PRR19: variants seen among roughly 807,000 people sequenced by gnomAD.
The protein encoded by PRR19 is proline rich 19, also known as proline-rich protein 19.
A neutral mutation model predicts 19.2 loss-of-function variants in PRR19; 9 were observed. That is an observed-to-expected ratio of 0.47 (90% CI 0.28 to 0.82). PRR19 has a LOEUF of 0.82. PRR19 is among the 40% of genes least tolerant of loss of function. PRR19 has a pLI of 0.11. For synonymous variants in PRR19, 190 were observed against 191.0 expected, an observed-to-expected ratio of 0.99 and a Z score of 0.04; for missense variants, 457 against 466.0, an observed-to-expected ratio of 0.98 and a Z score of 0.18.
chr19:42,304,994 C>T (rs1281741278), intron 1 of PRR19, among the ~76,000 whole-genome samples: 1 of 151,610 alleles, frequency 6.6e-6, no homozygotes. Context: ...GATCACTTGG[C>T]GTCAGGAGTT....
At chr19:42,305,373 G>C (rs1176063273) in intron 1 of PRR19, among the ~76,000 whole-genome samples, 2 of 151,210 alleles carry the variant, frequency 1.3e-5, no homozygotes, top group Non-Finnish European at 2.9e-5. Context: ...CTGCCTCCCA[G>C]GTTCAAGCGA....
Position 42,309,896 on chromosome 19 carries a change from C to A in PRR19, c.312C>A (p.Ala104=), listed in dbSNP as rs1317953388. The change falls in exon 2 of 3, where the codon GCC becomes GCA. Residue 104 remains alanine, a synonymous_variant. Coordinates refer to ENST00000341747, the MANE Select transcript of PRR19 (RefSeq NM_199285.3). ...TGCCAGGCAGCCCCACACTCCCCGC[C>A]AAGCCCTCCCCAAGCCCAGGCAGGG... ...TLVPGSPTLP[A]KPSPSPGRAQ... 6.2e-7 allele frequency: 1 copy of A among 1,613,904 alleles called. No individual in the cohort carries two copies. Among genetic ancestry groups the A allele is most frequent in the African/African-American group, 1.3e-5 (1 of 74,952 alleles).
In PRR19 at chr19:42,302,391, C is replaced by G; in HGVS notation, c.-119C>G. On this transcript the variant is annotated 5_prime_UTR_variant, in exon 1 of 3. Transcript: ENST00000341747. ...AACGGAGCTGGCTCCGCCACGCCCA[C>G]TCCTACCCCTCGCGGCAACAAAGGA... 1 of 1,260,726 alleles carries G rather than the reference C, an allele frequency of 7.9e-7. No homozygotes were observed. The highest frequency in any genetic ancestry group is 1.4e-5 in the South Asian group (1 of 73,190). 78.1% of individuals were successfully genotyped at this position (1,260,726 alleles called of 1,614,324 possible).
Position 42,310,079 on chromosome 19 carries a change from C to A in PRR19, c.495C>A (p.Asn165Lys), listed in dbSNP as rs200334665. 56 of 1,613,964 alleles carry A rather than the reference C, an allele frequency of 3.5e-5. No individual in the cohort carries two copies. Among genetic ancestry groups the A allele is most frequent in the Non-Finnish European group, 3.6e-5 (42 of 1,180,026 alleles). The part of the protein sequence containing the change: ...LSLPQAFPRR[N>K]LIQDARDAIV... Reference sequence around the variant, plus strand: ...TGCCACAGGCCTTCCCCCGGAGGAACCTGATTCAGGATGCCAGGGATGCCA... The same window carrying A: ...TGCCACAGGCCTTCCCCCGGAGGAAACTGATTCAGGATGCCAGGGATGCCA... The change falls in exon 2 of 3, where the codon AAC becomes AAA. Residue 165 changes from asparagine (N) to lysine (K), a missense_variant. Asn to Lys is a moderately conservative substitution (Grantham distance 94). Transcript: ENST00000341747.
chr19:42,308,659 A>C (rs989712370), intron 1 of PRR19: 31 of 152,178 alleles, frequency 2.0e-4, no homozygotes, highest in African/African-American at 7.5e-4. Flanking sequence ...TTGGCCTCCC[A>C]AAGTGCTGGG....
At chr19:42,303,031 T>TAC (rs1784606704) in intron 1 of PRR19, among the ~76,000 whole-genome samples, 1 of 151,558 alleles carries the variant, frequency 6.6e-6, no homozygotes, top group Admixed American at 6.6e-5. Context: ...TGAGCCTATC[T>TAC]ACTCGTGGGC....
At position 42,303,114 on chromosome 19, in the gene PRR19, T is replaced by G. The variant is rs1276573595; in HGVS notation, c.-7+611T>G. ...GTGTGTGTGTGTGTGTGTTGAAATC[T>G]AAAGTACATATCTTTGCATTCAAGA... On this transcript the variant is annotated intron_variant, in intron 1 of 2. Transcript: ENST00000341747. Among the ~76,000 whole-genome samples, 3 of 145,972 alleles carry G rather than the reference T, an allele frequency of 2.1e-5. No individual in the cohort carries two copies. The East Asian group carries it at 6.2e-4, about 30-fold the overall frequency.
chr19:42,304,733 G>A (rs1268821413), intron 1 of PRR19, among the ~76,000 whole-genome samples: 1 of 137,076 alleles, frequency 7.3e-6, no homozygotes, highest in Non-Finnish European at 1.5e-5. Flanking sequence ...CTGGGAGACA[G>A]AGCGAGACGC....
intron 1 of PRR19, among the ~76,000 whole-genome samples, chr19:42,305,577 C>T (rs760590940): frequency 2.9e-4 from 44 of 151,970 alleles, no homozygotes; most frequent in Admixed American, 1.5e-3. Context: ...CATACCCAAC[C>T]GAGAAAAAAA....
rs1479703286 is a variant in PRR19 at position 42,309,636 on chromosome 19, G to A, written c.52G>A (p.Gly18Ser). The A allele has an allele frequency of 6.4e-7, 1 of 1,554,898 alleles. No individual in the cohort carries two copies. The highest frequency in any genetic ancestry group is 8.7e-7 in the Non-Finnish European group (1 of 1,146,650). Reference protein sequence around the residue: ...SQPFQQPEKPGRVRRRKTRRE... With the variant: ...SQPFQQPEKPSRVRRRKTRRE... The stretch of plus-strand genomic sequence containing the variant: ...GCCTTTTCAGCAGCCTGAGAAACCT[G>A]GTCGTGTCCGTCGTCGGAAGACTAG... Residue 18 changes from glycine to serine, a missense_variant, in exon 2 of 3, where the codon GGT becomes AGT. By Grantham distance (56) the Gly-to-Ser change is moderately conservative. Coordinates refer to ENST00000341747, the MANE Select transcript of PRR19 (RefSeq NM_199285.3).
At chr19:42,306,676 CCTT>C (rs2038709963) in intron 1 of PRR19, among the ~76,000 whole-genome samples, 1 of 152,174 alleles carries the variant, frequency 6.6e-6, no homozygotes, top group Admixed American at 6.5e-5. Context: ...CTACCATGAC[CCTT>C]CTTCCCTTTG....
Position 42,302,267 on chromosome 19 carries a change from G to C in PRR19, c.-243G>C. ...CAGCGCCCGTCGCCCTGTACGTCCT[G>C]CACCGGCGTGGGCTTGCTGGCTGGG... On this transcript the variant is annotated 5_prime_UTR_variant, in exon 1 of 3. Transcript: ENST00000341747. The C allele has an allele frequency of 6.2e-7, 1 of 1,606,998 alleles. No homozygotes were observed. The highest frequency in any genetic ancestry group is 2.2e-5 in the East Asian group (1 of 44,644).
In PRR19 at chr19:42,304,320, CAAAT is replaced by C. The variant is rs372709045; in HGVS notation, c.-7+1821_-7+1824del. ...TGTCTTAATTACAAAAATAAACAAA[CAAAT>C]AAAGTCTGAGGGAGCCAGGTGCAGT... On this transcript the variant is annotated intron_variant, in intron 1 of 2. Coordinates refer to ENST00000341747, the MANE Select transcript of PRR19 (RefSeq NM_199285.3). Among the ~76,000 whole-genome samples, 818 of 151,148 alleles carry C rather than the reference CAAAT, an allele frequency of 5.4e-3. 5 individuals are homozygous for C. Among genetic ancestry groups the C allele is most frequent in the African/African-American group, 0.015 (616 of 41,206 alleles).
At position 42,309,542 on chromosome 19, in the gene PRR19, T is replaced by A. The variant is rs1056490306; in HGVS notation, c.-6-37T>A. The A allele has an allele frequency of 4.1e-6, 6 of 1,469,674 alleles. No homozygotes were observed. The Admixed American group carries it at 1.4e-4, about 33-fold the overall frequency. 91.0% of individuals were successfully genotyped at this position (1,469,674 alleles called of 1,614,324 possible). On this transcript the variant is annotated intron_variant, in intron 1 of 2. Transcript: ENST00000341747. ...TCACTTTGCTACTCCCCTTGACTTA[T>A]CTGCATGCTGATGGCCACCCTATCT...
At chr19:42,305,310 G>C (rs529221728) in intron 1 of PRR19, among the ~76,000 whole-genome samples, 22 of 150,238 alleles carry the variant, frequency 1.5e-4, no homozygotes, top group Non-Finnish European at 3.3e-4. Context: ...ATAGAGTCTC[G>C]CTCTGTCGCC....
Position 42,309,694 on chromosome 19 carries a change from G to A in PRR19, c.110G>A (p.Arg37His), listed in dbSNP as rs561142116. Residue 37 changes from arginine to histidine, a missense_variant, in exon 2 of 3, where the codon CGC (arginine) becomes CAC (histidine). Arg to His is a conservative substitution (Grantham distance 29, BLOSUM62 0). Coordinates refer to ENST00000341747, the MANE Select transcript of PRR19 (RefSeq NM_199285.3). Reference protein sequence around the residue: ...RERNKALVGSRRPLAHHDPPV... With the variant: ...RERNKALVGSHRPLAHHDPPV... The stretch of plus-strand genomic sequence containing the variant: ...CGTAACAAGGCCCTGGTGGGCAGCC[G>A]CCGGCCATTAGCCCACCACGATCCT... 2.1e-5 allele frequency: 34 copies of A among 1,603,122 alleles called. No homozygotes were observed. The South Asian group carries it at 2.8e-4, about 13-fold the overall frequency.
At position 42,309,822 on chromosome 19, in the gene PRR19, G is replaced by C. The variant is rs529623831; in HGVS notation, c.238G>C (p.Glu80Gln). ...SREHRGLFNHEVKSLDVARLL... is the reference protein window; with the variant it reads ...SREHRGLFNHQVKSLDVARLL... ...GGAGCACCGGGGTCTCTTCAACCAC[G>C]AGGTGAAATCCCTAGATGTTGCAAG... The change falls in exon 2 of 3, where the codon GAG becomes CAG. Residue 80 changes from glutamate to glutamine, a missense_variant. Glu to Gln is a conservative substitution (Grantham distance 29). Transcript: ENST00000341747. The C allele has an allele frequency of 1.4e-5, 23 of 1,614,076 alleles. No homozygotes were observed. Among genetic ancestry groups the C allele is most frequent in the Non-Finnish European group, 1.9e-5 (23 of 1,180,014 alleles).
intron 1 of PRR19, among the ~76,000 whole-genome samples, chr19:42,304,907 CA>C (rs2038692412): frequency 6.8e-6 from 1 of 146,858 alleles, no homozygotes; most frequent in Non-Finnish European, 1.5e-5. Flanking sequence ...TCCCTGTCTC[CA>C]AAAAAGAAGT....
In PRR19 at chr19:42,310,093, C is replaced by T. The variant is rs1320038115; in HGVS notation, c.509C>T (p.Ala170Val). Residue 170 changes from alanine to valine, a missense_variant, in exon 2 of 3, where the codon GCC (alanine) becomes GTC (valine). Coordinates refer to ENST00000341747, the MANE Select transcript of PRR19 (RefSeq NM_199285.3). ...CCCCGGAGGAACCTGATTCAGGATG[C>T]CAGGGATGCCATCGTGCACACCTTG... ...AFPRRNLIQDARDAIVHTLQA... is the reference protein window; with the variant it reads ...AFPRRNLIQDVRDAIVHTLQA... The T allele has an allele frequency of 6.2e-7, 1 of 1,613,892 alleles. No homozygotes were observed. Among genetic ancestry groups the T allele is most frequent in the African/African-American group, 1.3e-5 (1 of 74,940 alleles).
Sources: gnomAD v4.1 joint callset for allele counts (sites outside exome capture counted in the v4.1 genomes callset) on GRCh38, gnomAD v4.1.1 for gene constraint, MANE v1.5 for transcripts, NCBI Gene and HGNC (gene_info 2026-07-23, HGNC 2026-07-21) for gene names.